Variants in DCDC1 observed in about 807,000 individuals in gnomAD.
The protein encoded by DCDC1 is doublecortin domain containing 1.
In DCDC1, 200 loss-of-function variants were observed where a neutral mutation model predicts 178.3. The observed-to-expected ratio is 1.12, with a 90% CI of 1.00 to 1.26. The LOEUF (loss-of-function observed/expected upper bound fraction) is 1.26. DCDC1 is among the 50% of genes most tolerant of loss of function. The pLI, the probability that DCDC1 is intolerant of heterozygous loss-of-function variation, is 0.00. For missense variants in DCDC1, 1,983 were observed against 1,749.2 expected, an observed-to-expected ratio of 1.13 and a Z score of -2.38; for synonymous variants, 690 against 604.8, an observed-to-expected ratio of 1.14 and a Z score of -2.07.
intron 9 of DCDC1, among the ~76,000 whole-genome samples, chr11:31,196,424 C>T (rs567710413): frequency 1.3e-5 from 2 of 152,056 alleles, no homozygotes; most frequent in Middle Eastern, 3.4e-3. Context: ...AATTCTGCCA[C>T]CAATCACAAG....
chr11:30,967,562 G>C (rs1949507493), intron 20 of DCDC1, among the ~76,000 whole-genome samples: 1 of 152,168 alleles, frequency 6.6e-6, no homozygotes, highest in African/African-American at 2.4e-5. Context: ...GACACTTCAA[G>C]GTAAAGGCTC....
At position 30,905,725 on chromosome 11, in the gene DCDC1, T is replaced by G. The variant is rs574761310; in HGVS notation, c.4105-561A>C. 5.2e-4 allele frequency among the ~76,000 whole-genome samples: 79 copies of G among 152,292 alleles called. 1 individual carries two copies. Among genetic ancestry groups the G allele is most frequent in the African/African-American group, 1.8e-3 (73 of 41,570 alleles). Reference sequence around the variant, plus strand: ...ATTCTTTCCAACCAACTCCTCACCATCTCCTTAAGATTATCCCACTATCTT... The same window carrying G: ...ATTCTTTCCAACCAACTCCTCACCAGCTCCTTAAGATTATCCCACTATCTT... On this transcript the variant is annotated intron_variant, in intron 30 of 38. Transcript: ENST00000684477.
chr11:30,968,396 A>T (rs1949566531), intron 20 of DCDC1, among the ~76,000 whole-genome samples: 1 of 152,022 alleles, frequency 6.6e-6, no homozygotes, highest in Admixed American at 6.6e-5. Flanking sequence ...TGCTTTCTTC[A>T]GTTTCAGAAA....
rs1373539523 is a variant in DCDC1 at position 30,903,615 on chromosome 11, T to A, written c.4377A>T (p.Gly1459=). The stretch of plus-strand genomic sequence containing the variant: ...AATCACGCAAGGTAAAGATTGGGGT[T>A]CCATCTTTGGTATATACTTTGGAGG... ...RAASKVYTKD[G]TPIFTLRDLV... is the part of the protein sequence containing the mutation. Residue 1459 remains glycine (G), a synonymous_variant, in exon 32 of 39, where the codon GGA becomes GGT. Transcript: ENST00000684477. The A allele has an allele frequency of 1.2e-6, 2 of 1,611,600 alleles. No individual in the cohort carries two copies. The highest frequency in any genetic ancestry group is 1.3e-5 in the African/African-American group (1 of 74,884).
intron 9 of DCDC1, among the ~76,000 whole-genome samples, chr11:31,198,503 T>C (rs1970945273): frequency 6.6e-6 from 1 of 151,954 alleles, no homozygotes; most frequent in South Asian, 2.1e-4. Flanking sequence ...AATATAATAT[T>C]ATTATTTGGG....
At chr11:31,266,493 C>T (rs528829982) in intron 7 of DCDC1, among the ~76,000 whole-genome samples, 8 of 152,166 alleles carry the variant, frequency 5.3e-5, no homozygotes, top group East Asian at 1.9e-4. Context: ...ATGAAATTCA[C>T]CATATTCATC....
chr11:30,894,367 A>C lies in DCDC1; in HGVS notation c.4783T>G (p.Cys1595Gly). Residue 1595 changes from cysteine to glycine, a missense_variant, in exon 35 of 39, where the codon TGT becomes GGT. Transcript: ENST00000684477. ...GTAGGAACCATGGTGGCTGGCTGAC[A>C]TGCCGCTACTCGCCGCCCTGAGGAA... ...RQLKGRRVAA[C>G]QPATMVPTKS... is the part of the protein sequence containing the mutation. 6.2e-7 allele frequency: 1 copy of C among 1,613,754 alleles called. No individual in the cohort carries two copies. The highest frequency in any genetic ancestry group is 1.7e-5 in the Admixed American group (1 of 59,998).
intron 7 of DCDC1, 111 bp downstream of exon 7, chr11:31,290,533 CTTG>C: frequency 8.6e-7 from 1 of 1,159,508 alleles, no homozygotes; most frequent in Non-Finnish European, 1.2e-6. Flanking sequence ...TATATAATGT[CTTG>C]TTAATATTTC....
intron 6 of DCDC1, among the ~76,000 whole-genome samples, chr11:31,299,913 A>G (rs2137522643): frequency 6.6e-6 from 1 of 152,182 alleles, no homozygotes; most frequent in East Asian, 1.9e-4. Flanking sequence ...GCTGGAGTGC[A>G]GTGGCATGAT....
rs778274188 is a variant in DCDC1, at chr11:30,906,731, A to T, written c.3919-6T>A. 1.2e-6 allele frequency: 2 copies of T among 1,609,992 alleles called. No homozygotes were observed. The highest frequency in any genetic ancestry group is 3.4e-5 in the Admixed American group (2 of 59,694). On this transcript the variant is annotated splice_region_variant and splice_polypyrimidine_tract_variant and intron_variant, in intron 29 of 38. Transcript: ENST00000684477. ...GGTGAGAGATAACAGTATCCCTAAA[A>T]TGGGAGACAAAGATGGCTTTATATA...
At chr11:31,292,066 A>G (rs1414225109) in intron 6 of DCDC1, among the ~76,000 whole-genome samples, 1 of 152,050 alleles carries the variant, frequency 6.6e-6, no homozygotes, top group African/African-American at 2.4e-5. Context: ...ACATATAAAA[A>G]CACATATACC....
chr11:31,014,891 A>T (rs1248508169), intron 20 of DCDC1, among the ~76,000 whole-genome samples: 1 of 152,022 alleles, frequency 6.6e-6, no homozygotes, highest in African/African-American at 2.4e-5. Flanking sequence ...ATAGTGCTCT[A>T]CTGTGATTTA....
intron 2 of DCDC1, among the ~76,000 whole-genome samples, chr11:31,333,151 CTT>C (rs1446238038): frequency 3.3e-5 from 5 of 151,996 alleles, no homozygotes; most frequent in Admixed American, 2.6e-4. Flanking sequence ...TTTTTTGTCT[CTT>C]TTGATCTTTG....
chr11:31,015,942 G>A (rs1036791749), intron 20 of DCDC1, among the ~76,000 whole-genome samples: 1 of 152,054 alleles, frequency 6.6e-6, no homozygotes, highest in Admixed American at 6.6e-5. Flanking sequence ...ACATGCAAAG[G>A]TCAAAATGAT....
chr11:30,996,072 A>C (rs1353893264), intron 20 of DCDC1, among the ~76,000 whole-genome samples: 1 of 152,186 alleles, frequency 6.6e-6, no homozygotes, highest in Admixed American at 6.5e-5. Flanking sequence ...TTCAGCAATA[A>C]GAAACAACCC....
At chr11:31,116,181 G>A (rs560152444) in intron 11 of DCDC1, among the ~76,000 whole-genome samples, 2 of 151,730 alleles carry the variant, frequency 1.3e-5, no homozygotes, top group Admixed American at 6.6e-5. Context: ...ACTCATAAGG[G>A]GCAGGGAAAT....
intron 3 of DCDC1, among the ~76,000 whole-genome samples, chr11:31,314,783 C>T (rs1162895970): frequency 2.0e-5 from 3 of 152,146 alleles, no homozygotes; most frequent in Admixed American, 6.5e-5. Context: ...TGTCACTTAA[C>T]GACATCTGCA....
intron 27 of DCDC1, among the ~76,000 whole-genome samples, chr11:30,914,398 C>G (rs1019959672): frequency 7.2e-5 from 11 of 152,218 alleles, no homozygotes; most frequent in Non-Finnish European, 1.0e-4. Flanking sequence ...AGTACTGATT[C>G]ATAAGCCTTT....
intron 11 of DCDC1, among the ~76,000 whole-genome samples, chr11:31,124,311 G>T: frequency 6.6e-6 from 1 of 151,786 alleles, no homozygotes; most frequent in Non-Finnish European, 1.5e-5. Flanking sequence ...TGTTTATATG[G>T]TGAATTATGT....
Sources: gnomAD v4.1 joint callset for allele counts (sites outside exome capture counted in the v4.1 genomes callset) on GRCh38, gnomAD v4.1.1 for gene constraint, MANE v1.5 for transcripts, NCBI Gene and HGNC (gene_info 2026-07-23, HGNC 2026-07-21) for gene names.